Variants in HSDL2 observed in about 807,000 individuals in gnomAD.
HSDL2 encodes the protein hydroxysteroid dehydrogenase-like protein 2.
Under a neutral mutation model 46.3 loss-of-function variants are expected in HSDL2, and 27 were observed. The ratio of observed to expected loss-of-function variants is 0.58; its 90% CI spans 0.43 to 0.80. The LOEUF is 0.80. Ranked by LOEUF, HSDL2 falls within the 30% of genes least tolerant of loss-of-function variation. The probability of loss-of-function intolerance (pLI) is 0.00; values close to 1 mark genes in which losing one functional copy is unlikely to be tolerated. For synonymous variants in HSDL2, 153 were observed against 163.6 expected (o/e 0.94, Z 0.50); for missense variants, 451 against 502.7 (o/e 0.90, Z 0.98).
intron 6 of HSDL2, among the ~76,000 whole-genome samples, chr9:112,432,459 T>C (rs956487834): frequency 1.3e-5 from 2 of 152,190 alleles, no homozygotes; most frequent in Admixed American, 6.5e-5. Context: ...ATTTGATGAG[T>C]GAGTAAATGA....
At position 112,380,109 on chromosome 9, in the gene HSDL2, G is replaced by A. The variant is rs1831044273; in HGVS notation, c.-55G>A. 4.3e-5 allele frequency: 64 copies of A among 1,486,236 alleles called. No homozygotes were observed. The South Asian group carries it at 7.6e-4, about 18-fold the overall frequency. 92.1% of individuals were successfully genotyped at this position (1,486,236 alleles called of 1,614,324 possible). A position where few individuals can be genotyped will look rare whatever the true frequency, so the allele number is the denominator to read the frequency against. Reference sequence around the variant, plus strand: ...AATGCGGAGGGACGGTCCAGCTTTAGCTCTCTGCTCGCCGCCGCCGCTGTC... The same window carrying A: ...AATGCGGAGGGACGGTCCAGCTTTAACTCTCTGCTCGCCGCCGCCGCTGTC... On this transcript the variant is annotated 5_prime_UTR_variant, in exon 1 of 11. Coordinates refer to ENST00000398805, the MANE Select transcript of HSDL2 (RefSeq NM_032303.5).
chr9:112,409,922 A>G (rs1244642003), intron 4 of HSDL2, among the ~76,000 whole-genome samples: 1 of 152,066 alleles, frequency 6.6e-6, no homozygotes, highest in African/African-American at 2.4e-5. Flanking sequence ...AAATACTTAC[A>G]TGTATACTCT....
rs575573754 is a variant in HSDL2 at position 112,437,709 on chromosome 9, C to T, written c.599-722C>T. Among the ~76,000 whole-genome samples the T allele has an allele frequency of 1.2e-3, 188 of 152,072 alleles. 1 individual carries two copies. The highest frequency in any genetic ancestry group is 4.2e-3 in the African/African-American group (175 of 41,358). Reference sequence around the variant, plus strand: ...TGTTTATGTGAAAGGAAATCTTTGGCATTAAGACTGTTGGTACTGTCTGTT... The same window carrying T: ...TGTTTATGTGAAAGGAAATCTTTGGTATTAAGACTGTTGGTACTGTCTGTT... On this transcript the variant is annotated intron_variant, in intron 6 of 10. Coordinates refer to ENST00000398805, the MANE Select transcript of HSDL2 (RefSeq NM_032303.5).
chr9:112,470,652 C>G lies in HSDL2; in HGVS notation c.*108C>G. The G allele has an allele frequency of 1.7e-6, 1 of 595,292 alleles. No homozygotes were observed. Among genetic ancestry groups the G allele is most frequent in the Non-Finnish European group, 2.9e-6 (1 of 345,460 alleles). 36.9% of individuals were successfully genotyped at this position (595,292 alleles called of 1,614,324 possible). ...TCCTGTTATATTATAAGGATATGCA[C>G]GTTTGTTCTGGAAAAGATAGAATTT... On this transcript the variant is annotated 3_prime_UTR_variant, in exon 11 of 11. Transcript: ENST00000398805.
At chr9:112,422,627 A>C (rs538931277) in intron 6 of HSDL2, among the ~76,000 whole-genome samples, 2 of 152,208 alleles carry the variant, frequency 1.3e-5, no homozygotes, top group Non-Finnish European at 2.9e-5. Flanking sequence ...GGAACTTCAC[A>C]TGCAAATACC....
intron 1 of HSDL2, among the ~76,000 whole-genome samples, chr9:112,394,477 C>T (rs1831415970): frequency 6.6e-6 from 1 of 152,162 alleles, no homozygotes; most frequent in Non-Finnish European, 1.5e-5. Context: ...CCCTTTGGTG[C>T]CCAGTCTATT....
intron 1 of HSDL2, among the ~76,000 whole-genome samples, chr9:112,402,750 G>A (rs991069645): frequency 4.6e-5 from 7 of 151,848 alleles, no homozygotes; most frequent in East Asian, 1.9e-4. Context: ...GTGAAATCAC[G>A]TCTCTGCTAA....
intron 1 of HSDL2, among the ~76,000 whole-genome samples, chr9:112,384,824 A>C (rs142185003): frequency 1.3e-5 from 2 of 151,440 alleles, no homozygotes; most frequent in Non-Finnish European, 2.9e-5. Context: ...CACGTAATCC[A>C]TAGCATAACT....
At chr9:112,412,532 T>C (rs73535973) in intron 4 of HSDL2, among the ~76,000 whole-genome samples, 2,708 of 152,322 alleles carry the variant, frequency 0.018, 95 homozygotes, top group African/African-American at 0.062. Flanking sequence ...GTTAAAAATA[T>C]ACGTTTTCTT....
chr9:112,420,062 G>A (rs959857100), intron 6 of HSDL2, among the ~76,000 whole-genome samples: 1 of 152,178 alleles, frequency 6.6e-6, no homozygotes, highest in Non-Finnish European at 1.5e-5. Context: ...ATGGTGCCGG[G>A]TGTGGTTACA....
At chr9:112,392,685 C>T (rs939961118) in intron 1 of HSDL2, among the ~76,000 whole-genome samples, 2 of 152,172 alleles carry the variant, frequency 1.3e-5, no homozygotes, top group Non-Finnish European at 2.9e-5. Flanking sequence ...TGGTTGTCTT[C>T]CCTTGTTCCC....
intron 6 of HSDL2, among the ~76,000 whole-genome samples, chr9:112,430,182 A>G (rs1832354759): frequency 6.6e-6 from 1 of 151,958 alleles, no homozygotes; most frequent in Non-Finnish European, 1.5e-5. Flanking sequence ...CCTTTCTGAG[A>G]AGGTGACGTT....
rs544883866 is a variant in HSDL2, at chr9:112,413,805, A to G, written c.396-3036A>G. 3.9e-5 allele frequency among the ~76,000 whole-genome samples: 6 copies of G among 152,304 alleles called. No homozygotes were observed. In the South Asian group the frequency reaches 1.2e-3, roughly 32 times the overall value. On this transcript the variant is annotated intron_variant, in intron 4 of 10. Transcript: ENST00000398805. ...GGCCGTTTTTATACTTTCTGCAGAAAGGGTATACTTGCCAGCAGTTTTGCC... is the reference window on the plus strand; with the variant it reads ...GGCCGTTTTTATACTTTCTGCAGAAGGGGTATACTTGCCAGCAGTTTTGCC...
chr9:112,470,570 T>G lies in HSDL2; in HGVS notation c.*26T>G. The G allele has an allele frequency of 6.3e-6, 8 of 1,263,222 alleles. No individual in the cohort carries two copies. Among genetic ancestry groups the G allele is most frequent in the Non-Finnish European group, 9.0e-6 (8 of 886,560 alleles). 78.3% of individuals were successfully genotyped at this position (1,263,222 alleles called of 1,614,324 possible). ...AGGAAAATATAAAAAAAAAGTCGAC[T>G]GCTATGCTCAAAAAGTAAAAAAAGC... On this transcript the variant is annotated 3_prime_UTR_variant, in exon 11 of 11. Transcript: ENST00000398805.
At chr9:112,392,707 G>A (rs1195977674) in intron 1 of HSDL2, among the ~76,000 whole-genome samples, 1 of 152,106 alleles carries the variant, frequency 6.6e-6, no homozygotes, top group African/African-American at 2.4e-5. Flanking sequence ...AAAAATTGCT[G>A]TTATTCTATT....
chr9:112,404,623 T>C (rs960030749), intron 2 of HSDL2, among the ~76,000 whole-genome samples: 7 of 151,416 alleles, frequency 4.6e-5, no homozygotes, highest in African/African-American at 1.2e-4. Context: ...GAGAATTTGA[T>C]TGGTGAGTGG....
rs1356907808 is a variant in HSDL2 at position 112,380,113 on chromosome 9, T to TCTGCTCGCCGCCGCCG, written c.-47_-32dup. On this transcript the variant is annotated 5_prime_UTR_variant, in exon 1 of 11. Coordinates refer to ENST00000398805, the MANE Select transcript of HSDL2 (RefSeq NM_032303.5). Reference sequence around the variant, plus strand: ...CGGAGGGACGGTCCAGCTTTAGCTCTCTGCTCGCCGCCGCCGCTGTCGCCG... The same window carrying TCTGCTCGCCGCCGCCG: ...CGGAGGGACGGTCCAGCTTTAGCTCTCTGCTCGCCGCCGCCGCTGCTCGCCGCCGCCGCTGTCGCCG... 7.9e-6 allele frequency: 12 copies of TCTGCTCGCCGCCGCCG among 1,514,674 alleles called. No individual in the cohort carries two copies. Among genetic ancestry groups the TCTGCTCGCCGCCGCCG allele is most frequent in the Middle Eastern group, 1.8e-4 (1 of 5,618 alleles). 93.8% of individuals were successfully genotyped at this position (1,514,674 alleles called of 1,614,324 possible).
chr9:112,400,790 G>A (rs913872534), intron 1 of HSDL2, among the ~76,000 whole-genome samples: 2 of 152,178 alleles, frequency 1.3e-5, no homozygotes, highest in Admixed American at 6.5e-5. Context: ...TGTGTTCAGG[G>A]CTTGCAGCTG....
intron 10 of HSDL2, among the ~76,000 whole-genome samples, chr9:112,468,243 G>A (rs1833450498): frequency 6.6e-6 from 1 of 151,994 alleles, no homozygotes; most frequent in South Asian, 2.1e-4. Flanking sequence ...ATTTCACAGT[G>A]ATAAAAGGTA....
Sources: gnomAD v4.1 joint callset for allele counts (sites outside exome capture counted in the v4.1 genomes callset) on GRCh38, gnomAD v4.1.1 for gene constraint, MANE v1.5 for transcripts, NCBI Gene and HGNC (gene_info 2026-07-23, HGNC 2026-07-21) for gene names.